BRIP1: variants seen among roughly 807,000 people sequenced by gnomAD.
BRIP1 encodes BRCA1 interacting DNA helicase 1.
A neutral mutation model predicts 119.7 loss-of-function variants in BRIP1; 88 were observed. That is an observed-to-expected ratio of 0.74 (90% CI 0.62 to 0.88). BRIP1 has a LOEUF of 0.88. BRIP1 is among the 40% of genes least tolerant of loss of function. The pLI is 0.00. For missense variants in BRIP1, 1,259 were observed against 1,455.4 expected (o/e 0.87, Z 2.20); for synonymous variants, 443 against 496.5 (o/e 0.89, Z 1.43).
At chr17:61,771,256 A>G (rs1194700704) in intron 14 of BRIP1, among the ~76,000 whole-genome samples, 2 of 152,252 alleles carry the variant, frequency 1.3e-5, no homozygotes, top group East Asian at 3.8e-4. Context: ...ACTAGGGAAT[A>G]GCAGGTAAGA....
chr17:61,687,788 C>G lies in BRIP1; in HGVS notation c.2576-1623G>C. Among the ~76,000 whole-genome samples, 1 of 152,136 alleles carries G rather than the reference C, an allele frequency of 6.6e-6. No individual in the cohort carries two copies. Among genetic ancestry groups the G allele is most frequent in the Non-Finnish European group, 1.5e-5 (1 of 68,022 alleles). The stretch of plus-strand genomic sequence containing the variant: ...AAGCGGTAGGAAAATTTGTGGCACC[C>G]TCTTGTCATGATCCCCACTTCAGAA... On this transcript the variant is annotated intron_variant, in intron 18 of 19. Coordinates refer to ENST00000259008, the MANE Select transcript of BRIP1 (RefSeq NM_032043.3). The surrounding 1 kb of genome is among the most constrained non-coding windows in gnomAD (Gnocchi z 5.1).
chr17:61,858,146 T>G (rs199744493), intron 3 of BRIP1, among the ~76,000 whole-genome samples: 1 of 152,284 alleles, frequency 6.6e-6, no homozygotes, highest in East Asian at 1.9e-4. Flanking sequence ...TGTGCCTACA[T>G]TGTATACAAA....
In BRIP1 at chr17:61,776,697, A is replaced by C; in HGVS notation, c.1936-135T>G. ...TTTTTAAATTGTCAGGGGGTTTTCT[A>C]TTACCTTCAATTAACTGTATACAGA... On this transcript the variant is annotated intron_variant, in intron 13 of 19. Coordinates refer to ENST00000259008, the MANE Select transcript of BRIP1 (RefSeq NM_032043.3). This position sits in a 1 kb window ranked among gnomAD's most constrained non-coding sequence, Gnocchi z 5.0. 1.2e-6 allele frequency: 1 copy of C among 852,692 alleles called. No individual in the cohort carries two copies. The highest frequency in any genetic ancestry group is 1.9e-6 in the Non-Finnish European group (1 of 526,902). 52.8% of individuals were successfully genotyped at this position (852,692 alleles called of 1,614,324 possible). A position where few individuals can be genotyped will look rare whatever the true frequency, so the allele number is the denominator to read the frequency against.
rs1064795196 is a variant in BRIP1 at position 61,784,324 on chromosome 17, ATTT to A, written c.1571_1573del (p.Gln524_Ile525delinsLeu). ...TACCATAAAAAGTCCTTTAAGCATT[ATTT>A]GAGTTGATGCACTAATAACAGGTAC... On this transcript the variant is annotated inframe_deletion, in exon 11 of 20. Transcript: ENST00000259008. The A allele has an allele frequency of 1.9e-6, 3 of 1,613,332 alleles. No individual in the cohort carries two copies. Among genetic ancestry groups the A allele is most frequent in the Non-Finnish European group, 2.5e-6 (3 of 1,179,430 alleles).
chr17:61,801,726 GA>G (rs981207745), intron 7 of BRIP1, among the ~76,000 whole-genome samples: 2 of 151,728 alleles, frequency 1.3e-5, no homozygotes, highest in Non-Finnish European at 2.9e-5. Flanking sequence ...AAATTAACTT[GA>G]AAAAAATTTC....
rs2078022766 is a variant in BRIP1, at chr17:61,803,269, A to C, written c.919-1795T>G. ...ACCACATATGGCTCCTTTTTTGTAG[A>C]GACAGGGTTTTGTCATGTTGCTCAG... On this transcript the variant is annotated intron_variant, in intron 7 of 19. Transcript: ENST00000259008. This position sits in a 1 kb window ranked among gnomAD's most constrained non-coding sequence, Gnocchi z 4.3. Among the ~76,000 whole-genome samples, 1 of 152,028 alleles carries C rather than the reference A, an allele frequency of 6.6e-6. No individual in the cohort carries two copies. Among genetic ancestry groups the C allele is most frequent in the Admixed American group, 6.6e-5 (1 of 15,258 alleles).
chr17:61,782,278 C>T (rs1337389402), intron 11 of BRIP1, among the ~76,000 whole-genome samples: 21 of 148,376 alleles, frequency 1.4e-4, no homozygotes, highest in Admixed American at 1.2e-3. Flanking sequence ...CCCAGCTACT[C>T]GGGAGGCTGA....
rs1203032118 is a variant in BRIP1 at position 61,809,888 on chromosome 17, C to A, written c.628-1131G>T. On this transcript the variant is annotated intron_variant, in intron 6 of 19. Coordinates refer to ENST00000259008, the MANE Select transcript of BRIP1 (RefSeq NM_032043.3). The surrounding 1 kb of genome is among the most constrained non-coding windows in gnomAD (Gnocchi z 5.2). ...AAATGCTAAGTCATAGCATGTTACA[C>A]CACAATACTGGGGATGAAGCTGTCT... 2.0e-5 allele frequency among the ~76,000 whole-genome samples: 3 copies of A among 152,060 alleles called. No individual in the cohort carries two copies. The highest frequency in any genetic ancestry group is 4.4e-5 in the Non-Finnish European group (3 of 68,004).
At chr17:61,765,991 C>T (rs2077368497) in intron 14 of BRIP1, among the ~76,000 whole-genome samples, 1 of 151,970 alleles carries the variant, frequency 6.6e-6, no homozygotes, top group East Asian at 1.9e-4. Flanking sequence ...AACAGTTTAG[C>T]TCATAATCAA....
In BRIP1 at chr17:61,768,132, C is replaced by A. The variant is rs76340450; in HGVS notation, c.2097+8269G>T. Among the ~76,000 whole-genome samples, 1 of 152,148 alleles carries A rather than the reference C, an allele frequency of 6.6e-6. No individual in the cohort carries two copies. The highest frequency in any genetic ancestry group is 1.5e-5 in the Non-Finnish European group (1 of 68,018). On this transcript the variant is annotated intron_variant, in intron 14 of 19. Coordinates refer to ENST00000259008, the MANE Select transcript of BRIP1 (RefSeq NM_032043.3). This position sits in a 1 kb window ranked among gnomAD's most constrained non-coding sequence, Gnocchi z 5.0. The stretch of plus-strand genomic sequence containing the variant: ...GACAGTAACTTGTTTATTTTTGAAT[C>A]TTTAACAGGACTTAGTGCAGTCCTC...
intron 6 of BRIP1, among the ~76,000 whole-genome samples, chr17:61,830,843 C>T (rs573614038): frequency 6.6e-6 from 1 of 152,214 alleles, no homozygotes; most frequent in East Asian, 1.9e-4. Context: ...GACCAATATT[C>T]TTATGAACAT....
At chr17:61,833,358 C>T (rs1349040255) in intron 6 of BRIP1, among the ~76,000 whole-genome samples, 1 of 152,116 alleles carries the variant, frequency 6.6e-6, no homozygotes, top group African/African-American at 2.4e-5. Flanking sequence ...ACTATGTTTT[C>T]TCCAAGCTCT....
At position 61,808,961 on chromosome 17, in the gene BRIP1, T is replaced by A. The variant is rs2078122489; in HGVS notation, c.628-204A>T. Among the ~76,000 whole-genome samples the A allele has an allele frequency of 1.3e-5, 2 of 152,194 alleles. No individual in the cohort carries two copies. The highest frequency in any genetic ancestry group is 1.3e-4 in the Admixed American group (2 of 15,276). ...TCCTCATTCTTTCTTTTAAAAGTTA[T>A]AAATGATATTTCCAAATTTGCATTC... On this transcript the variant is annotated intron_variant, in intron 6 of 19. Transcript: ENST00000259008. This position sits in a 1 kb window ranked among gnomAD's most constrained non-coding sequence, Gnocchi z 4.1.
chr17:61,854,277 C>T (rs1177091316), intron 4 of BRIP1, among the ~76,000 whole-genome samples: 1 of 151,036 alleles, frequency 6.6e-6, no homozygotes, highest in Non-Finnish European at 1.5e-5. Flanking sequence ...ACCCTATCTC[C>T]AGGAAAAAAG....
rs1377119355 is a variant in BRIP1, at chr17:61,832,281, T to C, written c.627+14820A>G. Among the ~76,000 whole-genome samples, 2 of 152,164 alleles carry C rather than the reference T, an allele frequency of 1.3e-5. No individual in the cohort carries two copies. Among genetic ancestry groups the C allele is most frequent in the African/African-American group, 4.8e-5 (2 of 41,440 alleles). ...CACTTGAGTACCAAAACAAATCATA[T>C]AATAATTATAACTCACCGAATAAAA... is the stretch of plus-strand genomic sequence containing the variant. On this transcript the variant is annotated intron_variant, in intron 6 of 19. Coordinates refer to ENST00000259008, the MANE Select transcript of BRIP1 (RefSeq NM_032043.3). This position sits in a 1 kb window ranked among gnomAD's most constrained non-coding sequence, Gnocchi z 5.5.
rs763717478 is a variant in BRIP1 at position 61,745,142 on chromosome 17, C to T, written c.2098-551G>A. On this transcript the variant is annotated intron_variant, in intron 14 of 19. Transcript: ENST00000259008. The surrounding 1 kb of genome is among the most constrained non-coding windows in gnomAD (Gnocchi z 4.4). Reference sequence around the variant, plus strand: ...TGAATATTTGATCATCATTAATAACCTGCATTGAAAAAAGATAGAAATAAA... The same window carrying T: ...TGAATATTTGATCATCATTAATAACTTGCATTGAAAAAAGATAGAAATAAA... Among the ~76,000 whole-genome samples, 1 of 151,944 alleles carries T rather than the reference C, an allele frequency of 6.6e-6. No homozygotes were observed.
intron 6 of BRIP1, among the ~76,000 whole-genome samples, chr17:61,833,321 G>A (rs2078520216): frequency 6.6e-6 from 1 of 152,120 alleles, no homozygotes; most frequent in Non-Finnish European, 1.5e-5. Flanking sequence ...AAACTTTTGA[G>A]AATTAAACAT....
At chr17:61,747,980 C>T (rs763731180) in intron 14 of BRIP1, among the ~76,000 whole-genome samples, 2 of 151,806 alleles carry the variant, frequency 1.3e-5, no homozygotes, top group Non-Finnish European at 2.9e-5. Context: ...TCAAGTGCTC[C>T]TCCTGCCTTG....
chr17:61,698,920 T>G (rs572839636), intron 17 of BRIP1, among the ~76,000 whole-genome samples: 26 of 152,182 alleles, frequency 1.7e-4, no homozygotes, highest in African/African-American at 6.3e-4. Flanking sequence ...TTTCATCATG[T>G]TACCTAGGCT....
Sources: gnomAD v4.1 joint callset for allele counts (sites outside exome capture counted in the v4.1 genomes callset) on GRCh38, gnomAD v4.1.1 for gene constraint, Gnocchi (gnomAD v3.1) non-coding constraint, MANE v1.5 for transcripts, NCBI Gene and HGNC (gene_info 2026-07-23, HGNC 2026-07-21) for gene names.